The following MYO16 variants were observed in gnomAD, a reference collection of about 807,000 sequenced individuals.
MYO16 encodes the protein myosin XVI.
A neutral mutation model predicts 205.3 loss-of-function variants in MYO16; 94 were observed. That is an observed-to-expected ratio of 0.46 (90% confidence interval 0.39 to 0.54). MYO16 has a LOEUF of 0.54. Ranked by LOEUF, MYO16 falls within the 20% of genes least tolerant of loss-of-function variation. MYO16 has a pLI of 0.00. For synonymous variants in MYO16, 988 were observed against 954.0 expected, an observed-to-expected ratio of 1.04 and a Z score of -0.66; for missense variants, 2,315 against 2,387.5, an observed-to-expected ratio of 0.97 and a Z score of 0.63.
chr13:108,743,414 G>A (rs953488181), intron 4 of MYO16, among the ~76,000 whole-genome samples: 2 of 152,162 alleles, frequency 1.3e-5, no homozygotes, highest in African/African-American at 4.8e-5. Context: ...TTTGAAAAGG[G>A]TGATAGGGAA....
At chr13:108,838,769 TGCACAC>T (rs1877081271) in intron 9 of MYO16, among the ~76,000 whole-genome samples, 1 of 21,006 alleles carries the variant, frequency 4.8e-5, no homozygotes, top group Non-Finnish European at 9.9e-5. Flanking sequence ...CACACACAAA[TGCACAC>T]ACACACACAC....
chr13:108,886,294 G>A (rs959793698), intron 13 of MYO16: 2 of 400,500 alleles, frequency 5.0e-6, no homozygotes, highest in African/African-American at 4.2e-5. Context: ...GCCCTCCTTT[G>A]GGTCATTTTT....
chr13:108,844,059 T>C (rs1451763809), intron 9 of MYO16, among the ~76,000 whole-genome samples: 2 of 152,300 alleles, frequency 1.3e-5, no homozygotes, highest in East Asian at 3.9e-4. Context: ...TCTTAAGTTG[T>C]TTATTGATTC....
At chr13:108,793,918 T>C (rs1210539169) in intron 6 of MYO16, among the ~76,000 whole-genome samples, 6 of 152,080 alleles carry the variant, frequency 3.9e-5, no homozygotes, top group Admixed American at 3.9e-4. Flanking sequence ...AGCAAAGACA[T>C]GGAATCAACC....
intron 21 of MYO16, among the ~76,000 whole-genome samples, chr13:109,008,355 C>CTATTG (rs1885468950): frequency 6.6e-6 from 1 of 151,262 alleles, no homozygotes; most frequent in Non-Finnish European, 1.5e-5. Flanking sequence ...TGTGTATGCA[C>CTATTG]TACTGTACTA....
chr13:108,941,618 A>G (rs545397261), intron 16 of MYO16, among the ~76,000 whole-genome samples: 1 of 144,806 alleles, frequency 6.9e-6, no homozygotes, highest in Non-Finnish European at 1.5e-5. Context: ...CAGAGTTTGT[A>G]GTGAGCCAAA....
intron 24 of MYO16, among the ~76,000 whole-genome samples, chr13:109,047,583 ATAAT>A (rs1247055749): frequency 6.6e-6 from 1 of 152,150 alleles, no homozygotes; most frequent in Non-Finnish European, 1.5e-5. Flanking sequence ...TATATATGTG[ATAAT>A]TAAATGTATA....
At chr13:108,880,969 T>A (rs1879586213) in intron 12 of MYO16, among the ~76,000 whole-genome samples, 1 of 152,182 alleles carries the variant, frequency 6.6e-6, no homozygotes. Flanking sequence ...GTTTGAGATC[T>A]GAGAACGGAC....
rs781185401 is a variant in MYO16 at position 109,164,957 on chromosome 13, A to T, written c.5221A>T (p.Thr1741Ser). The T allele has an allele frequency of 1.2e-5, 19 of 1,609,104 alleles. No homozygotes were observed. Among genetic ancestry groups the T allele is most frequent in the Non-Finnish European group, 1.4e-5 (17 of 1,177,122 alleles). ...SRDDPSTSEI[T>S]SETQDRNANN... ...AGATGACCCTAGTACGTCAGAAATT[A>T]CTTCCGAGACTCAAGACAGAAATGC... is the stretch of plus-strand genomic sequence containing the variant. The change falls in exon 33 of 35, where the codon ACT becomes TCT. Residue 1741 changes from threonine (T) to serine (S), a missense_variant. Physicochemically the swap from Thr to Ser is moderately conservative, Grantham distance 58 (BLOSUM62 1). Coordinates refer to ENST00000457511, the MANE Select transcript of MYO16 (RefSeq NM_001198950.3).
chr13:109,000,347 T>C (rs985748555), intron 21 of MYO16, among the ~76,000 whole-genome samples: 1 of 152,164 alleles, frequency 6.6e-6, no homozygotes, highest in Non-Finnish European at 1.5e-5. Context: ...TTCAGAAAAT[T>C]AAGAGTTAAA....
At chr13:108,756,696 T>G (rs1885432295) in intron 4 of MYO16, among the ~76,000 whole-genome samples, 1 of 147,308 alleles carries the variant, frequency 6.8e-6, no homozygotes. Flanking sequence ...TTGCAAAATA[T>G]AGAAAAAAAC....
At chr13:108,747,508 C>T (rs1425968520) in intron 4 of MYO16, among the ~76,000 whole-genome samples, 1 of 151,966 alleles carries the variant, frequency 6.6e-6, no homozygotes, top group African/African-American at 2.4e-5. Context: ...AACTTTAGAA[C>T]AACCAGTAAA....
intron 2 of MYO16, among the ~76,000 whole-genome samples, chr13:108,691,727 C>T (rs1882905051): frequency 6.6e-6 from 1 of 152,136 alleles, no homozygotes; most frequent in Non-Finnish European, 1.5e-5. Context: ...TGTACTTATT[C>T]AGTAATACTT....
At chr13:109,114,426 AT>A (rs1221939270) in intron 28 of MYO16, among the ~76,000 whole-genome samples, 1 of 152,198 alleles carries the variant, frequency 6.6e-6, no homozygotes, top group East Asian at 1.9e-4. Flanking sequence ...GATTCATCTT[AT>A]CTCTGGCACT....
At chr13:109,192,131 A>G (rs912399930) in intron 34 of MYO16, among the ~76,000 whole-genome samples, 22 of 152,302 alleles carry the variant, frequency 1.4e-4, no homozygotes, top group Admixed American at 3.9e-4. Context: ...TCTGATTTTT[A>G]TGATTGCATT....
At chr13:108,525,913 G>A in the MYO16 span, among the ~76,000 whole-genome samples, 1 of 150,178 alleles carries the variant, frequency 6.7e-6, no homozygotes, top group African/African-American at 2.5e-5. Flanking sequence ...TGTGGCAACA[G>A]ATGCTGCTCT....
the MYO16 span, among the ~76,000 whole-genome samples, chr13:108,535,431 C>T: frequency 6.6e-6 from 1 of 152,184 alleles, no homozygotes; most frequent in African/African-American, 2.4e-5. Flanking sequence ...TATCTGGTGG[C>T]TTCCCATAGT....
At chr13:108,684,363 G>A (rs1165822678) in intron 2 of MYO16, among the ~76,000 whole-genome samples, 3 of 152,182 alleles carry the variant, frequency 2.0e-5, no homozygotes, top group Non-Finnish European at 4.4e-5. Context: ...CAAAGAGGAG[G>A]TTAGATATAC....
intron 27 of MYO16, among the ~76,000 whole-genome samples, chr13:109,086,851 A>C (rs1383962189): frequency 6.6e-6 from 1 of 152,200 alleles, no homozygotes; most frequent in Non-Finnish European, 1.5e-5. Flanking sequence ...TAGGAAGTCC[A>C]TTATTTGTAT....
Sources: allele counts gnomAD v4.1 joint callset (sites outside exome capture counted in the v4.1 genomes callset), GRCh38; gene constraint gnomAD v4.1.1; transcripts MANE v1.5; gene names NCBI Gene and HGNC (gene_info 2026-07-23, HGNC 2026-07-21).